The following ABCD4 variants were observed in gnomAD, a reference collection of about 807,000 sequenced individuals.
The protein encoded by ABCD4 is ATP binding cassette subfamily D member 4, also known as lysosomal cobalamin transporter ABCD4.
Under a neutral mutation model 86.3 loss-of-function variants are expected in ABCD4, and 53 were observed. The observed-to-expected ratio is 0.61, with a 90% CI of 0.49 to 0.77. ABCD4 has a LOEUF of 0.77. Among genes scored for constraint, ABCD4 ranks in the 30% least tolerant of loss-of-function variants. ABCD4 has a pLI of 0.00. For synonymous variants in ABCD4, 328 were observed against 313.6 expected, an observed-to-expected ratio of 1.05 and a Z score of -0.49; for missense variants, 757 against 764.5, an observed-to-expected ratio of 0.99 and a Z score of 0.12.
At position 74,297,916 on chromosome 14, in the gene ABCD4, G is replaced by C. The variant is rs748866027; in HGVS notation, c.425+14C>G. 6.2e-7 allele frequency: 1 copy of C among 1,610,346 alleles called. No individual in the cohort carries two copies. Among genetic ancestry groups the C allele is most frequent in the Admixed American group, 1.7e-5 (1 of 58,662 alleles). ...CCACACAGAGTGTAGAAAGGACTGA[G>C]TTGGGGCGCCTACGGGTTATCGATG... is the stretch of plus-strand genomic sequence containing the variant. On this transcript the variant is annotated intron_variant, in intron 4 of 18. Coordinates refer to ENST00000356924, the MANE Select transcript of ABCD4 (RefSeq NM_005050.4).
chr14:74,296,040 C>T (rs1454874826), intron 5 of ABCD4, 61 bp from the exon 6 acceptor site: 2 of 1,541,130 alleles, frequency 1.3e-6, no homozygotes, highest in Admixed American at 4.2e-5. Flanking sequence ...TCCCCACATG[C>T]CTCAGCCCTG....
In ABCD4 at chr14:74,289,526, A is replaced by G. The variant is rs773696717; in HGVS notation, c.1420-7T>C. 4 of 1,613,608 alleles carry G rather than the reference A, an allele frequency of 2.5e-6. No homozygotes were observed. The South Asian group carries it at 4.4e-5, about 18-fold the overall frequency. The stretch of plus-strand genomic sequence containing the variant: ...CCTTCAGGGGATATATCACCTGAGA[A>G]AAGAAAAAAACCACACCAACCTAGG... On this transcript the variant is annotated splice_polypyrimidine_tract_variant and splice_region_variant and intron_variant, in intron 13 of 18. Coordinates refer to ENST00000356924, the MANE Select transcript of ABCD4 (RefSeq NM_005050.4).
In ABCD4 at chr14:74,292,747, C is replaced by A; in HGVS notation, c.936+1G>T. 1 of 1,614,000 alleles carries A rather than the reference C, an allele frequency of 6.2e-7. No homozygotes were observed. Among genetic ancestry groups the A allele is most frequent in the Non-Finnish European group, 8.5e-7 (1 of 1,179,936 alleles). ...GTGGGGTGACCAAGAGGGAGTCTCA[C>A]CTTGCTGACCAGGGTGCTAAGCTCT... On this transcript the variant is annotated splice_donor_variant, in intron 9 of 18. Transcript: ENST00000356924. LOFTEE classifies it high-confidence loss of function.
intron 16 of ABCD4, 132 bp from the exon 17 acceptor site, chr14:74,288,018 C>A: frequency 9.4e-7 from 1 of 1,068,944 alleles, no homozygotes; most frequent in South Asian, 1.4e-5. Flanking sequence ...CCTTCCCTTT[C>A]GACCATAGGC....
At chr14:74,297,761 A>G in intron 4 of ABCD4, 169 bp downstream of exon 4, 1 of 1,362,888 alleles carries the variant, frequency 7.3e-7, no homozygotes, top group Non-Finnish European at 9.5e-7. Context: ...ACAGCCCTGC[A>G]GCTTCTCCAG....
intron 1 of ABCD4, among the ~76,000 whole-genome samples, chr14:74,302,040 G>A (rs577499069): frequency 3.7e-4 from 56 of 152,284 alleles, no homozygotes; most frequent in African/African-American, 1.3e-3. Context: ...TGCACTGCCC[G>A]TCGGGAAGTA....
chr14:74,293,147 C>T lies in ABCD4; in HGVS notation c.814+7G>A, dbSNP rs766630418. The T allele has an allele frequency of 1.1e-5, 18 of 1,613,188 alleles. No individual in the cohort carries two copies. The highest frequency in any genetic ancestry group is 1.1e-4 in the East Asian group (5 of 44,866). On this transcript the variant is annotated splice_region_variant and intron_variant, in intron 8 of 18. Coordinates refer to ENST00000356924, the MANE Select transcript of ABCD4 (RefSeq NM_005050.4). ...TGGTTCCCACTTCCCTGGGCCCCCT[C>T]GCCTACTGTACAGCCAGAGCTCCTT...
rs778438768 is a variant in ABCD4 at position 74,292,778 on chromosome 14, A to G, written c.906T>C (p.Ser302=). ...TGACCAGGGTGCTAAGCTCTGCGGG[A>G]CTCAGGTCTCCATAGACCCCGCTGA... is the stretch of plus-strand genomic sequence containing the variant. ...PIFSGVYGDL[S]PAELSTLVSK... The change falls in exon 9 of 19, where the codon AGT becomes AGC. Residue 302 remains serine (S), a synonymous_variant. Coordinates refer to ENST00000356924, the MANE Select transcript of ABCD4 (RefSeq NM_005050.4). The G allele has an allele frequency of 6.2e-7, 1 of 1,614,100 alleles. No individual in the cohort carries two copies. Among genetic ancestry groups the G allele is most frequent in the East Asian group, 2.2e-5 (1 of 44,878 alleles).
intron 7 of ABCD4, chr14:74,293,599 G>A (rs992599675): frequency 5.4e-6 from 1 of 183,686 alleles, no homozygotes; most frequent in African/African-American, 2.3e-5. Context: ...AGAATTAAAA[G>A]TTTCTAAATA....
chr14:74,289,232 G>A, intron 14 of ABCD4: 1 of 1,341,540 alleles, frequency 7.5e-7, no homozygotes, highest in South Asian at 2.1e-5. Flanking sequence ...TCTTCATAAG[G>A]GAAGGGGTGG....
rs199972376 is a variant in ABCD4, at chr14:74,301,721, A to AC, written c.38+1153dup. ...CAGGAGTTCAAGACCAGACTGGCCA[A>AC]CCCCCCCATCTTTGCTAAAAATACA... On this transcript the variant is annotated intron_variant, in intron 1 of 18. Transcript: ENST00000356924. 1.0e-4 allele frequency among the ~76,000 whole-genome samples: 15 copies of AC among 150,212 alleles called. No homozygotes were observed. The South Asian group carries it at 1.3e-3, about 13-fold the overall frequency.
rs1594846251 is a variant in ABCD4 at position 74,289,485 on chromosome 14, G to A, written c.1454C>T (p.Ser485Leu). Residue 485 changes from serine (S) to leucine (L), a missense_variant and splice_region_variant, in exon 14 of 19, where the codon TCA becomes TTA. Coordinates refer to ENST00000356924, the MANE Select transcript of ABCD4 (RefSeq NM_005050.4). ...IYPLKEVYPD[S>L]GSADDERILR... ...TGACCTAAGGAGGACCAGCTCACCT[G>A]AGTCGGGGTAGACCTCCTTCAGGGG... 1 of 1,613,892 alleles carries A rather than the reference G, an allele frequency of 6.2e-7. No homozygotes were observed. Among genetic ancestry groups the A allele is most frequent in the Admixed American group, 1.7e-5 (1 of 59,958 alleles).
intron 7 of ABCD4, chr14:74,294,658 T>C (rs1044832711): frequency 2.5e-5 from 4 of 161,230 alleles, no homozygotes; most frequent in African/African-American, 7.2e-5. Flanking sequence ...TTCATGCCGC[T>C]GCTGCTGCTC....
intron 4 of ABCD4, chr14:74,297,067 G>A (rs2083056922): frequency 6.6e-6 from 1 of 152,464 alleles, no homozygotes; most frequent in Non-Finnish European, 1.5e-5. Context: ...TGAGGGGATG[G>A]GTGTGAAGGA....
rs144816144 is a variant in ABCD4 at position 74,288,953 on chromosome 14, T to C, written c.1457-188A>G. The C allele has an allele frequency of 2.4e-4, 218 of 907,346 alleles. 1 individual carries two copies. The highest frequency in any genetic ancestry group is 1.1e-3 in the Middle Eastern group (3 of 2,842). The allele number at this position is 907,346 out of a possible 1,614,324, so 56.2% of individuals were successfully genotyped here. A position where few individuals can be genotyped will look rare whatever the true frequency, so the allele number is the denominator to read the frequency against. On this transcript the variant is annotated intron_variant, in intron 14 of 18. Transcript: ENST00000356924. ...ATGGTGAAACGCTGTCTCTACTAAA[T>C]ATACAAAAATTAGGCAGGCAAGGTG...
intron 1 of ABCD4, among the ~76,000 whole-genome samples, chr14:74,302,501 A>G (rs2084910832): frequency 6.6e-6 from 1 of 152,242 alleles, no homozygotes; most frequent in African/African-American, 2.4e-5. Context: ...ATAGGAACGA[A>G]GAGAGGAAGT....
At chr14:74,288,289 A>C in intron 15 of ABCD4, 30 bp from the exon 16 acceptor site, 1 of 1,596,424 alleles carries the variant, frequency 6.3e-7, no homozygotes, top group Non-Finnish European at 8.5e-7. Flanking sequence ...CAGGATGTCC[A>C]TGAAATGGCC....
chr14:74,299,956 A>G, intron 2 of ABCD4, 194 bp downstream of exon 2: 1 of 580,918 alleles, frequency 1.7e-6, no homozygotes. Flanking sequence ...CCAGCTACTC[A>G]GGAGGCGAAG....
In ABCD4 at chr14:74,286,312, A is replaced by T; in HGVS notation, c.*149T>A. On this transcript the variant is annotated 3_prime_UTR_variant, in exon 19 of 19. Transcript: ENST00000356924. Reference sequence around the variant, plus strand: ...AACCTAGACCTGGGCTCAGCCCACCACTGCTAGGGGTCCTGCACAGGACCC... The same window carrying T: ...AACCTAGACCTGGGCTCAGCCCACCTCTGCTAGGGGTCCTGCACAGGACCC... 1.3e-6 allele frequency: 1 copy of T among 758,788 alleles called. No homozygotes were observed. The highest frequency in any genetic ancestry group is 2.2e-6 in the Non-Finnish European group (1 of 459,574). 47.0% of individuals were successfully genotyped at this position (758,788 alleles called of 1,614,324 possible).
Sources: allele counts gnomAD v4.1 joint callset (sites outside exome capture counted in the v4.1 genomes callset), GRCh38; gene constraint gnomAD v4.1.1; transcripts MANE v1.5; gene names NCBI Gene and HGNC (gene_info 2026-07-23, HGNC 2026-07-21).